The following AKT3 variants were observed in gnomAD, a reference collection of about 807,000 sequenced individuals.
The protein encoded by AKT3 is AKT serine/threonine kinase 3, also known as RAC-gamma serine/threonine-protein kinase.
Under a neutral mutation model 65.3 loss-of-function variants are expected in AKT3, and 15 were observed. That is an observed-to-expected ratio of 0.23 (90% CI 0.15 to 0.35). AKT3 has a LOEUF of 0.35. Ranked by LOEUF, AKT3 falls within the 10% of genes least tolerant of loss-of-function variation. The pLI, the probability that AKT3 is intolerant of heterozygous loss-of-function variation, is 1.00. For synonymous variants in AKT3, 206 were observed against 183.8 expected, an observed-to-expected ratio of 1.12 and a Z score of -0.98; for missense variants, 243 against 576.5, an observed-to-expected ratio of 0.42 and a Z score of 5.92.
chr1:243,744,892 C>G (rs1688385840), intron 2 of AKT3, among the ~76,000 whole-genome samples: 1 of 151,742 alleles, frequency 6.6e-6, no homozygotes, highest in Non-Finnish European at 1.5e-5. Context: ...GAGGGGATCT[C>G]ATTTGTGATC....
At chr1:243,671,846 AT>A (rs1683174286) in intron 3 of AKT3, among the ~76,000 whole-genome samples, 2 of 152,244 alleles carry the variant, frequency 1.3e-5, no homozygotes, top group Admixed American at 1.3e-4. Flanking sequence ...ACTGTGAGTC[AT>A]TATATAAGGA....
chr1:243,719,200 C>T (rs1341806251), intron 2 of AKT3, among the ~76,000 whole-genome samples: 2 of 152,192 alleles, frequency 1.3e-5, no homozygotes, highest in Non-Finnish European at 2.9e-5. Context: ...TTTAAAAAAA[C>T]CGATAGTGTT....
intron 10 of AKT3, among the ~76,000 whole-genome samples, chr1:243,559,042 A>T (rs1479770403): frequency 6.6e-6 from 1 of 152,134 alleles, no homozygotes; most frequent in Non-Finnish European, 1.5e-5. Flanking sequence ...ATAGGAGCCA[A>T]ATCAAATAAT....
At chr1:243,590,043 A>T (rs970446776) in intron 8 of AKT3, among the ~76,000 whole-genome samples, 1 of 152,190 alleles carries the variant, frequency 6.6e-6, no homozygotes, top group Non-Finnish European at 1.5e-5. Flanking sequence ...AAAGAATCAA[A>T]CTCACAGAAA....
chr1:243,651,290 G>A lies in AKT3; in HGVS notation c.285-5253C>T, dbSNP rs543057611. ...GTTGCATATCAGCTTAAGGAGATTT[G>A]GGGCTGAGACAACGGGGTTTTCTAA... On this transcript the variant is annotated intron_variant, in intron 4 of 13. Coordinates refer to ENST00000673466, the MANE Select transcript of AKT3 (RefSeq NM_005465.7). Among the ~76,000 whole-genome samples the A allele has an allele frequency of 8.0e-4, 121 of 152,180 alleles. 1 individual carries two copies. Among genetic ancestry groups the A allele is most frequent in the African/African-American group, 2.7e-3 (112 of 41,524 alleles).
rs151132567 is a variant in AKT3 at position 243,729,217 on chromosome 1, T to C, written c.47-33501A>G. On this transcript the variant is annotated intron_variant, in intron 2 of 13. Coordinates refer to ENST00000673466, the MANE Select transcript of AKT3 (RefSeq NM_005465.7). Reference sequence around the variant, plus strand: ...AATTTTATTAAAAGAGAAGCAGAAATAGAGGCAGTAGCAGAATGGGAAGCA... The same window carrying C: ...AATTTTATTAAAAGAGAAGCAGAAACAGAGGCAGTAGCAGAATGGGAAGCA... Among the ~76,000 whole-genome samples the C allele has an allele frequency of 1.5e-3, 227 of 152,126 alleles. 1 individual carries two copies. Among genetic ancestry groups the C allele is most frequent in the African/African-American group, 5.3e-3 (220 of 41,506 alleles).
chr1:243,523,864 G>A (rs1670878480), intron 12 of AKT3, among the ~76,000 whole-genome samples: 1 of 152,212 alleles, frequency 6.6e-6, no homozygotes, highest in African/African-American at 2.4e-5. Context: ...AGCTATCTCT[G>A]CAAGGCTAGC....
chr1:243,499,599 G>A (rs888490436), downstream of AKT3: 34 of 692,940 alleles, frequency 4.9e-5, no homozygotes, highest in Non-Finnish European at 7.3e-5. Flanking sequence ...GACAAGATGA[G>A]GCACAAACTT....
chr1:243,539,093 T>C (rs1672117993), intron 12 of AKT3, among the ~76,000 whole-genome samples: 1 of 152,158 alleles, frequency 6.6e-6, no homozygotes. Context: ...TAGAACAATT[T>C]ATGCAATAAA....
intron 2 of AKT3, among the ~76,000 whole-genome samples, chr1:243,823,470 G>A (rs564442559): frequency 1.3e-5 from 2 of 152,316 alleles, no homozygotes; most frequent in East Asian, 1.9e-4. Flanking sequence ...AGGAAGAGAG[G>A]AAGTCAAACT....
At chr1:243,802,382 C>G (rs535738519) in intron 2 of AKT3, among the ~76,000 whole-genome samples, 1 of 152,058 alleles carries the variant, frequency 6.6e-6, no homozygotes, top group Admixed American at 6.6e-5. Flanking sequence ...AAGTAATATT[C>G]CTGGCTAGAA....
intron 10 of AKT3, among the ~76,000 whole-genome samples, chr1:243,558,906 T>C (rs1673585974): frequency 6.6e-6 from 1 of 152,090 alleles, no homozygotes; most frequent in Admixed American, 6.6e-5. Flanking sequence ...TTTTGTTGGG[T>C]CTTGCATGTA....
intron 4 of AKT3, among the ~76,000 whole-genome samples, chr1:243,655,357 C>T (rs191489688): frequency 1.5e-3 from 226 of 152,210 alleles, no homozygotes; most frequent in Non-Finnish European, 2.1e-3. Context: ...TACTTTCCCT[C>T]TGTAGAATCA....
chr1:243,607,193 G>A (rs1245990166), intron 8 of AKT3, among the ~76,000 whole-genome samples: 1 of 152,176 alleles, frequency 6.6e-6, no homozygotes, highest in African/African-American at 2.4e-5. Flanking sequence ...TGAGAAGAGG[G>A]TCACTGTCCT....
chr1:243,529,987 T>C lies in AKT3; in HGVS notation c.1251+15523A>G, dbSNP rs765684907. 2.6e-5 allele frequency among the ~76,000 whole-genome samples: 4 copies of C among 152,324 alleles called. No individual in the cohort carries two copies. In the East Asian group the frequency reaches 5.8e-4, roughly 22 times the overall value. The stretch of plus-strand genomic sequence containing the variant: ...TCTCTGATTTCTCTGACCAGTGTTA[T>C]GTAGTTCTCATTGTAAAGATCTTTC... On this transcript the variant is annotated intron_variant, in intron 12 of 13. Coordinates refer to ENST00000673466, the MANE Select transcript of AKT3 (RefSeq NM_005465.7).
At chr1:243,840,120 G>A (rs1042592344) in intron 2 of AKT3, among the ~76,000 whole-genome samples, 3 of 152,108 alleles carry the variant, frequency 2.0e-5, no homozygotes, top group Non-Finnish European at 2.9e-5. Context: ...GCAGTGAGCC[G>A]AGATCATGCC....
At chr1:243,510,972 G>A (rs1669974880) in intron 13 of AKT3, among the ~76,000 whole-genome samples, 1 of 152,266 alleles carries the variant, frequency 6.6e-6, no homozygotes, top group African/African-American at 2.4e-5. Context: ...CAGAGGCCAA[G>A]GCCTATGCCC....
intron 3 of AKT3, among the ~76,000 whole-genome samples, chr1:243,684,930 T>C (rs761149548): frequency 3.9e-5 from 6 of 152,242 alleles, no homozygotes; most frequent in Non-Finnish European, 8.8e-5. Flanking sequence ...TTTTTTCATA[T>C]GTTGGTTGGC....
At chr1:243,746,656 G>A (rs1688487529) in intron 2 of AKT3, among the ~76,000 whole-genome samples, 1 of 152,216 alleles carries the variant, frequency 6.6e-6, no homozygotes, top group Non-Finnish European at 1.5e-5. Flanking sequence ...CAGAAAAGAT[G>A]AGGGGTCTCA....
Sources: gnomAD v4.1 joint callset for allele counts (sites outside exome capture counted in the v4.1 genomes callset) on GRCh38, gnomAD v4.1.1 for gene constraint, MANE v1.5 for transcripts, NCBI Gene and HGNC (gene_info 2026-07-23, HGNC 2026-07-21) for gene names.